Variants in SRGAP1 observed in about 807,000 individuals in gnomAD.
SRGAP1 encodes SLIT-ROBO Rho GTPase activating protein 1.
SRGAP1 carries 43 observed loss-of-function variants against 121.9 expected under a neutral mutation model. The observed-to-expected ratio is 0.35, with a 90% CI of 0.28 to 0.46. The LOEUF is 0.46. Ranked by LOEUF, SRGAP1 falls within the 20% of genes least tolerant of loss-of-function variation. SRGAP1 has a pLI of 1.00. For missense variants in SRGAP1, 1,102 were observed against 1,350.9 expected (o/e 0.82, Z 2.89); for synonymous variants, 447 against 485.4 (o/e 0.92, Z 1.04).
chr12:64,085,474 T>TA (rs1014370375), intron 10 of SRGAP1, among the ~76,000 whole-genome samples: 31 of 152,298 alleles, frequency 2.0e-4, no homozygotes, highest in African/African-American at 6.7e-4. Context: ...TGGGTGATCT[T>TA]ACGTGGCTCG....
rs1313700452 is a variant in SRGAP1, at chr12:63,989,669, C to T, written c.264-241C>T. Among the ~76,000 whole-genome samples the T allele has an allele frequency of 3.3e-5, 5 of 152,242 alleles. No individual in the cohort carries two copies. The East Asian group carries it at 5.8e-4, about 18-fold the overall frequency. On this transcript the variant is annotated intron_variant, in intron 2 of 21. Transcript: ENST00000355086. ...TGGTCCTTGTCAGGAATATGGATTT[C>T]ACCAGTGTTCATGGTCCAAGTTTTT...
intron 1 of SRGAP1, chr12:63,871,639 T>C (rs1013776451): frequency 2.1e-5 from 11 of 535,794 alleles, no homozygotes; most frequent in Non-Finnish European, 3.3e-5. Context: ...TCTTTTTTCT[T>C]TTTTTTTTGG....
At chr12:63,957,939 G>T (rs1247320391) in intron 1 of SRGAP1, among the ~76,000 whole-genome samples, 6 of 152,066 alleles carry the variant, frequency 3.9e-5, no homozygotes, top group Non-Finnish European at 2.9e-5. Context: ...GCTGAGTCTG[G>T]GACCACGAGG....
intron 1 of SRGAP1, among the ~76,000 whole-genome samples, chr12:63,937,347 G>C (rs1592961406): frequency 6.6e-6 from 1 of 152,122 alleles, no homozygotes; most frequent in East Asian, 1.9e-4. Flanking sequence ...TTGGTGACAA[G>C]TTGTATATCT....
intron 21 of SRGAP1, among the ~76,000 whole-genome samples, chr12:64,131,139 A>G (rs1592350349): frequency 6.6e-6 from 1 of 152,180 alleles, no homozygotes; most frequent in African/African-American, 2.4e-5. Context: ...TGGCTGGGGA[A>G]AGAGGCTGAA....
At chr12:63,867,962 T>C (rs1202733220) in intron 1 of SRGAP1, among the ~76,000 whole-genome samples, 4 of 143,006 alleles carry the variant, frequency 2.8e-5, no homozygotes, top group Non-Finnish European at 6.1e-5. Context: ...AACATTTGGC[T>C]ACAAAGAGAC....
At chr12:63,876,399 C>T (rs991721687) in intron 1 of SRGAP1, among the ~76,000 whole-genome samples, 4 of 152,080 alleles carry the variant, frequency 2.6e-5, no homozygotes, top group Non-Finnish European at 5.9e-5. Context: ...TTTGGTTAAG[C>T]CTGCTAAGCT....
At chr12:63,959,584 G>GT (rs2032576796) in intron 1 of SRGAP1, among the ~76,000 whole-genome samples, 1 of 151,050 alleles carries the variant, frequency 6.6e-6, no homozygotes, top group African/African-American at 2.5e-5. Flanking sequence ...TTGTGTGAGG[G>GT]GTTTTTTTTA....
At chr12:63,950,301 C>G (rs370307330) in intron 1 of SRGAP1, among the ~76,000 whole-genome samples, 87 of 152,294 alleles carry the variant, frequency 5.7e-4, no homozygotes, top group African/African-American at 2.1e-3. Flanking sequence ...GAGAACTAGA[C>G]AGTTCTTGCT....
chr12:63,994,349 A>C (rs1306342242), intron 3 of SRGAP1, among the ~76,000 whole-genome samples: 1 of 152,192 alleles, frequency 6.6e-6, no homozygotes, highest in Non-Finnish European at 1.5e-5. Flanking sequence ...CCTTCCAGAG[A>C]ATCAGTTTTA....
chr12:63,936,722 A>G (rs968900470), intron 1 of SRGAP1, among the ~76,000 whole-genome samples: 2 of 152,190 alleles, frequency 1.3e-5, no homozygotes, highest in Non-Finnish European at 2.9e-5. Context: ...TATTGTGTAA[A>G]GCCAGTTTGA....
chr12:64,046,321 G>A (rs1473383306), intron 6 of SRGAP1, among the ~76,000 whole-genome samples: 1 of 152,114 alleles, frequency 6.6e-6, no homozygotes, highest in Non-Finnish European at 1.5e-5. Context: ...GGTTTTTTGA[G>A]CAGGGAAGTG....
At chr12:64,142,211 C>G (rs912238679) in intron 21 of SRGAP1, 84 bp from the exon 22 acceptor site, 2 of 1,468,822 alleles carry the variant, frequency 1.4e-6, no homozygotes, top group Middle Eastern at 2.0e-4. Flanking sequence ...GGGCCGTTTA[C>G]TTTGAAATTA....
chr12:63,907,552 A>G (rs767712819), intron 1 of SRGAP1, among the ~76,000 whole-genome samples: 27 of 152,124 alleles, frequency 1.8e-4, no homozygotes, highest in Non-Finnish European at 3.7e-4. Context: ...AAAAAAAATT[A>G]AAGTAAAATA....
At chr12:64,095,848 C>T (rs1245994713) in intron 14 of SRGAP1, among the ~76,000 whole-genome samples, 1 of 152,080 alleles carries the variant, frequency 6.6e-6, no homozygotes, top group African/African-American at 2.4e-5. Context: ...CTGGGATATC[C>T]ATCACCTGAA....
chr12:64,137,924 C>T (rs969747487), intron 21 of SRGAP1, among the ~76,000 whole-genome samples: 2 of 146,354 alleles, frequency 1.4e-5, no homozygotes, highest in African/African-American at 5.0e-5. Context: ...TCACACAACA[C>T]TCTGCCTTTT....
chr12:63,907,308 G>T (rs1351326215), intron 1 of SRGAP1, among the ~76,000 whole-genome samples: 3 of 152,036 alleles, frequency 2.0e-5, no homozygotes, highest in Non-Finnish European at 4.4e-5. Flanking sequence ...AGGCTGAGGT[G>T]GGTGTATCAC....
At chr12:63,960,916 C>G (rs1477979445) in intron 1 of SRGAP1, among the ~76,000 whole-genome samples, 3 of 152,064 alleles carry the variant, frequency 2.0e-5, no homozygotes, top group Non-Finnish European at 2.9e-5. Flanking sequence ...CTTCCTGATG[C>G]TTTGGTATTT....
At chr12:63,900,318 G>T (rs1900908602) in intron 1 of SRGAP1, among the ~76,000 whole-genome samples, 1 of 148,820 alleles carries the variant, frequency 6.7e-6, no homozygotes, top group East Asian at 2.0e-4. Context: ...CGATTCTCCT[G>T]CCTCAGCCTC....
Sources: gnomAD v4.1 joint callset for allele counts (sites outside exome capture counted in the v4.1 genomes callset) on GRCh38, gnomAD v4.1.1 for gene constraint, MANE v1.5 for transcripts, NCBI Gene and HGNC (gene_info 2026-07-23, HGNC 2026-07-21) for gene names.